The following FRS2 variants were observed in gnomAD, a reference collection of about 807,000 sequenced individuals.
FRS2 encodes fibroblast growth factor receptor substrate 2.
In FRS2, 8 loss-of-function variants were observed where a neutral mutation model predicts 43.9. The observed-to-expected ratio is 0.18, with a 90% CI of 0.11 to 0.33. The LOEUF (loss-of-function observed/expected upper bound fraction) is 0.33. Among genes scored for constraint, FRS2 ranks in the 10% least tolerant of loss-of-function variants. The pLI is 1.00. For synonymous variants in FRS2, 219 were observed against 220.3 expected (o/e 0.99, Z 0.05); for missense variants, 534 against 627.6 (o/e 0.85, Z 1.59).
chr12:69,525,611 T>C (rs1230221571), intron 1 of FRS2, among the ~76,000 whole-genome samples: 1 of 152,186 alleles, frequency 6.6e-6, no homozygotes, highest in African/African-American at 2.4e-5. Flanking sequence ...TTGTATTGTT[T>C]ATAATTGGTA....
chr12:69,498,306 A>G (rs1204615245), intron 1 of FRS2, among the ~76,000 whole-genome samples: 1 of 152,182 alleles, frequency 6.6e-6, no homozygotes, highest in Non-Finnish European at 1.5e-5. Context: ...ATAAGGCACA[A>G]TGACTATCCT....
chr12:69,578,401 T>C lies in FRS2; in HGVS notation c.*3446T>C, dbSNP rs1881333931. 1 of 152,596 alleles carries C rather than the reference T, an allele frequency of 6.6e-6. No individual in the cohort carries two copies. 9.5% of individuals were successfully genotyped at this position (152,596 alleles called of 1,614,324 possible). A position where few individuals can be genotyped will look rare whatever the true frequency, so the allele number is the denominator to read the frequency against. On this transcript the variant is annotated 3_prime_UTR_variant, in exon 9 of 9. Transcript: ENST00000549921. The stretch of plus-strand genomic sequence containing the variant: ...AGAATGTAAAGAAAATGTTTTTGGC[T>C]TGAAAAATTAACATATTTTATGACG...
chr12:69,564,966 A>C (rs889648832), intron 4 of FRS2, among the ~76,000 whole-genome samples: 6 of 152,214 alleles, frequency 3.9e-5, no homozygotes, highest in Non-Finnish European at 7.3e-5. Flanking sequence ...AGTAGGTTGC[A>C]CTGCCACTCA....
intron 1 of FRS2, among the ~76,000 whole-genome samples, chr12:69,529,259 G>T (rs1255401380): frequency 6.6e-6 from 1 of 152,138 alleles, no homozygotes; most frequent in Non-Finnish European, 1.5e-5. Flanking sequence ...AGTGGAAGTG[G>T]TAATAATATG....
chr12:69,485,511 T>C (rs1871847216), intron 1 of FRS2, among the ~76,000 whole-genome samples: 2 of 145,918 alleles, frequency 1.4e-5, no homozygotes, highest in African/African-American at 5.1e-5. Context: ...AGATGGAGTC[T>C]TGCTCTTGTC....
intron 1 of FRS2, among the ~76,000 whole-genome samples, chr12:69,530,619 T>C (rs1223170117): frequency 1.3e-5 from 2 of 152,068 alleles, no homozygotes; most frequent in Non-Finnish European, 2.9e-5. Context: ...GGCATGCACC[T>C]GTGGTCCCAG....
Position 69,579,363 on chromosome 12 carries a change from A to G in FRS2, c.*4408A>G, listed in dbSNP as rs1024052811. ...GTGCTTTTTAAGCTTAATTTTTGTC[A>G]TGACAACTAATTTTTTTTATCTTTG... On this transcript the variant is annotated 3_prime_UTR_variant, in exon 9 of 9. Transcript: ENST00000549921. 2 of 152,536 alleles carry G rather than the reference A, an allele frequency of 1.3e-5. No homozygotes were observed. Among genetic ancestry groups the G allele is most frequent in the African/African-American group, 4.8e-5 (2 of 41,404 alleles). 9.4% of individuals were successfully genotyped at this position (152,536 alleles called of 1,614,324 possible).
At chr12:69,553,254 G>A (rs1003358598) in intron 3 of FRS2, among the ~76,000 whole-genome samples, 1 of 151,962 alleles carries the variant, frequency 6.6e-6, no homozygotes, top group Non-Finnish European at 1.5e-5. Context: ...TGTATTTTTA[G>A]TAGAGACGGG....
intron 3 of FRS2, among the ~76,000 whole-genome samples, chr12:69,554,987 G>A (rs1335051197): frequency 6.6e-6 from 1 of 151,716 alleles, no homozygotes; most frequent in Non-Finnish European, 1.5e-5. Context: ...GGGATTGTAG[G>A]TGTGAACCAC....
chr12:69,493,177 A>G (rs188589152), intron 1 of FRS2, among the ~76,000 whole-genome samples: 36 of 152,354 alleles, frequency 2.4e-4, no homozygotes, highest in Non-Finnish European at 4.7e-4. Context: ...TTGTTGGTTT[A>G]AAAATAATTG....
At chr12:69,502,866 T>C (rs1188397576) in intron 1 of FRS2, among the ~76,000 whole-genome samples, 1 of 152,138 alleles carries the variant, frequency 6.6e-6, no homozygotes, top group African/African-American at 2.4e-5. Context: ...CTACCTACTC[T>C]AGCAGCAGCA....
intron 2 of FRS2, 33 bp from the exon 3 acceptor site, chr12:69,531,981 A>G (rs1876846217): frequency 6.6e-6 from 1 of 152,624 alleles, no homozygotes; most frequent in South Asian, 2.1e-4. Flanking sequence ...TCTTGAAACT[A>G]ACATTTCCAC....
At chr12:69,492,818 G>T (rs1872590306) in intron 1 of FRS2, among the ~76,000 whole-genome samples, 1 of 152,118 alleles carries the variant, frequency 6.6e-6, no homozygotes, top group Admixed American at 6.5e-5. Context: ...TCTCTGTTTG[G>T]TTCCATGGTG....
chr12:69,556,005 TGGC>T (rs1879304745), intron 3 of FRS2, among the ~76,000 whole-genome samples: 1 of 28,548 alleles, frequency 3.5e-5, no homozygotes, highest in Non-Finnish European at 6.9e-5. Context: ...AGTGTGTGTG[TGGC>T]GGGGGGGGGG....
rs1877251782 is a variant in FRS2 at position 69,536,101 on chromosome 12, C to CCTTTTTTT, written c.-122+4045_-122+4046insCTTTTTTT. 3.8e-4 allele frequency among the ~76,000 whole-genome samples: 14 copies of CCTTTTTTT among 37,218 alleles called. 1 individual carries two copies. The highest frequency in any genetic ancestry group is 1.3e-3 in the African/African-American group (14 of 11,166). The allele number at this position is 37,218 out of a possible 152,430, so 24.4% of individuals were successfully genotyped here. On this transcript the variant is annotated intron_variant, in intron 3 of 8. Coordinates refer to ENST00000549921, the MANE Select transcript of FRS2 (RefSeq NM_001278356.2). ...TTTTGGTTACTGTAGTATTTTCATT[C>CCTTTTTTT]TTTTTTTTTTTTTTTTTTTTTTTTT...
At chr12:69,485,134 C>CACACACACACACACACACAA (rs1194988609) in intron 1 of FRS2, among the ~76,000 whole-genome samples, 2 of 134,350 alleles carry the variant, frequency 1.5e-5, no homozygotes, top group African/African-American at 2.9e-5. Flanking sequence ...CACACACACA[C>CACACACACACACACACACAA]ACTCTCACCC....
chr12:69,542,193 A>G (rs1422812639), intron 3 of FRS2, among the ~76,000 whole-genome samples: 1 of 152,212 alleles, frequency 6.6e-6, no homozygotes, highest in East Asian at 1.9e-4. Context: ...AATTTGCAGC[A>G]TTCTAATTAA....
chr12:69,552,987 C>A (rs1006624508), intron 3 of FRS2, among the ~76,000 whole-genome samples: 1 of 151,858 alleles, frequency 6.6e-6, no homozygotes, highest in African/African-American at 2.4e-5. Flanking sequence ...AATGAGTGAC[C>A]CATAAACAAA....
chr12:69,497,589 A>C (rs1658149104), intron 1 of FRS2, among the ~76,000 whole-genome samples: 3 of 152,174 alleles, frequency 2.0e-5, no homozygotes, highest in Admixed American at 2.0e-4. Context: ...TTTGGGTACT[A>C]GGTTTTAACA....
Sources: gnomAD v4.1 joint callset for allele counts (sites outside exome capture counted in the v4.1 genomes callset) on GRCh38, gnomAD v4.1.1 for gene constraint, MANE v1.5 for transcripts, NCBI Gene and HGNC (gene_info 2026-07-23, HGNC 2026-07-21) for gene names.